The following SLC25A30 variants were observed in gnomAD, a reference collection of about 807,000 sequenced individuals.
The protein encoded by SLC25A30 is kidney mitochondrial carrier protein 1.
Under a neutral mutation model 42.7 loss-of-function variants are expected in SLC25A30, and 29 were observed. The ratio of observed to expected loss-of-function variants is 0.68; its 90% confidence interval spans 0.51 to 0.93. SLC25A30 has a LOEUF of 0.93. Ranked by LOEUF, SLC25A30 falls within the 40% of genes least tolerant of loss-of-function variation. The pLI is 0.00. For synonymous variants in SLC25A30, 124 were observed against 131.0 expected (o/e 0.95, Z 0.37); for missense variants, 300 against 359.7 (o/e 0.83, Z 1.34).
chr13:45,395,196 T>C lies in SLC25A30; in HGVS notation c.*778A>G. The C allele has an allele frequency of 2.0e-6, 2 of 984,790 alleles. No individual in the cohort carries two copies. Among genetic ancestry groups the C allele is most frequent in the Non-Finnish European group, 2.4e-6 (2 of 829,320 alleles). 61.0% of individuals were successfully genotyped at this position (984,790 alleles called of 1,614,324 possible). A position where few individuals can be genotyped will look rare whatever the true frequency, so the allele number is the denominator to read the frequency against. On this transcript the variant is annotated 3_prime_UTR_variant, in exon 10 of 10. Transcript: ENST00000519676. ...CCCATTTTACTCATTGAGAAATACA[T>C]ATGCTTTGCTAAAAATCATAAAGCT...
the SLC25A30 span, among the ~76,000 whole-genome samples, chr13:45,426,793 T>A: frequency 4.9e-4 from 74 of 152,282 alleles, no homozygotes; most frequent in Non-Finnish European, 9.3e-4. Context: ...AAGTCACAAG[T>A]ATAAAATCAA....
At chr13:45,401,037 T>C (rs777425054) in intron 7 of SLC25A30, 46 bp downstream of exon 7, 1 of 1,497,028 alleles carries the variant, frequency 6.7e-7, no homozygotes, top group Non-Finnish European at 9.0e-7. Context: ...TATAATAAAC[T>C]TTCTTTAGAA....
At chr13:45,427,903 C>A in the SLC25A30 span, among the ~76,000 whole-genome samples, 1 of 151,910 alleles carries the variant, frequency 6.6e-6, no homozygotes, top group Non-Finnish European at 1.5e-5. Context: ...GTCACCACTC[C>A]GGATAATTTT....
At chr13:45,397,201 C>G in intron 9 of SLC25A30, 57 bp downstream of exon 9, 1 of 1,146,216 alleles carries the variant, frequency 8.7e-7, no homozygotes, top group Non-Finnish European at 1.3e-6. Flanking sequence ...AGAGTTTATA[C>G]AAATAGTATT....
chr13:45,409,598 T>C, intron 2 of SLC25A30, among the ~76,000 whole-genome samples: 1 of 151,984 alleles, frequency 6.6e-6, no homozygotes, highest in African/African-American at 2.4e-5. Context: ...CACCTGAGGT[T>C]AGGAGTTCCA....
At chr13:45,424,580 T>TGTATAA in the SLC25A30 span, among the ~76,000 whole-genome samples, 32 of 36,166 alleles carry the variant, frequency 8.8e-4, 3 homozygotes, top group African/African-American at 2.9e-3. Context: ...AATATATAAA[T>TGTATAA]ATATATAAAT....
intron 6 of SLC25A30, 145 bp downstream of exon 6, chr13:45,402,129 GA>G (rs1882052922): frequency 2.2e-6 from 1 of 459,810 alleles, no homozygotes; most frequent in Admixed American, 4.0e-5. Context: ...GGGAAATAAA[GA>G]AAGATATTTT....
intron 2 of SLC25A30, among the ~76,000 whole-genome samples, chr13:45,409,552 T>C (rs1882824596): frequency 6.6e-6 from 1 of 152,224 alleles, no homozygotes; most frequent in Admixed American, 6.5e-5. Flanking sequence ...CTCATGCCTG[T>C]AATCCCAGCA....
chr13:45,412,560 T>G (rs1883129130), intron 1 of SLC25A30, among the ~76,000 whole-genome samples: 1 of 152,100 alleles, frequency 6.6e-6, no homozygotes, highest in Non-Finnish European at 1.5e-5. Flanking sequence ...GAGTCTCGGT[T>G]TTCTTCTTCG....
At chr13:45,426,158 C>A in the SLC25A30 span, among the ~76,000 whole-genome samples, 3 of 151,736 alleles carry the variant, frequency 2.0e-5, no homozygotes, top group Non-Finnish European at 4.4e-5. Flanking sequence ...GCCATCTCGG[C>A]TCACTGCAAC....
At chr13:45,424,098 T>A in the SLC25A30 span, among the ~76,000 whole-genome samples, 96 of 46,936 alleles carry the variant, frequency 2.0e-3, no homozygotes, top group South Asian at 0.013. Flanking sequence ...AATCTATAAA[T>A]ATATAAAAAT....
the SLC25A30 span, among the ~76,000 whole-genome samples, chr13:45,423,946 AAAAT>A: frequency 1.0e-5 from 1 of 97,280 alleles, no homozygotes; most frequent in African/African-American, 4.3e-5. Context: ...AATATATAAA[AAAAT>A]ATATGAATAT....
At chr13:45,411,580 C>A (rs1294001407) in intron 1 of SLC25A30, 100 bp from the exon 2 acceptor site, 7 of 715,990 alleles carry the variant, frequency 9.8e-6, no homozygotes, top group Non-Finnish European at 1.7e-5. Context: ...GTGCTATCAC[C>A]AAAACCCCTG....
chr13:45,416,719 TAAGACC>T (rs1883569865), intron 1 of SLC25A30, among the ~76,000 whole-genome samples: 1 of 152,172 alleles, frequency 6.6e-6, no homozygotes, highest in Non-Finnish European at 1.5e-5. Context: ...TGCAGTGAGC[TAAGACC>T]ATGACACTGC....
At position 45,394,442 on chromosome 13, in the gene SLC25A30, T is replaced by G; in HGVS notation, c.*1532A>C. 1.0e-6 allele frequency: 1 copy of G among 985,370 alleles called. No individual in the cohort carries two copies. Among genetic ancestry groups the G allele is most frequent in the Non-Finnish European group, 1.2e-6 (1 of 829,936 alleles). 61.0% of individuals were successfully genotyped at this position (985,370 alleles called of 1,614,324 possible). On this transcript the variant is annotated 3_prime_UTR_variant, in exon 10 of 10. Transcript: ENST00000519676. ...GTCTCAACAAAGAGACTGGCCAGAC[T>G]GGGAATTTGGCCGCACTACTGTGGA...
At chr13:45,419,000 G>A (rs534545943), upstream of SLC25A30, among the ~76,000 whole-genome samples, 5 of 123,330 alleles carry the variant, frequency 4.1e-5, no homozygotes, top group South Asian at 2.8e-4. Flanking sequence ...ACCTGGTGGC[G>A]GGTGCCTGTA....
intron 7 of SLC25A30, among the ~76,000 whole-genome samples, chr13:45,399,734 G>C (rs1881733128): frequency 6.6e-6 from 1 of 151,972 alleles, no homozygotes; most frequent in Non-Finnish European, 1.5e-5. Context: ...GTGGACATCA[G>C]AGTAATTCTA....
the SLC25A30 span, among the ~76,000 whole-genome samples, chr13:45,425,387 T>C: frequency 3.6e-5 from 4 of 111,466 alleles, no homozygotes; most frequent in Admixed American, 1.3e-4. Context: ...TAAGTATATA[T>C]GAAAATATAT....
chr13:45,427,475 G>A, the SLC25A30 span, among the ~76,000 whole-genome samples: 1 of 152,064 alleles, frequency 6.6e-6, no homozygotes, highest in Non-Finnish European at 1.5e-5. Flanking sequence ...CCAGGCCATT[G>A]TATATTTCAA....
Sources: gnomAD v4.1 joint callset for allele counts (sites outside exome capture counted in the v4.1 genomes callset) on GRCh38, gnomAD v4.1.1 for gene constraint, MANE v1.5 for transcripts, NCBI Gene and HGNC (gene_info 2026-07-23, HGNC 2026-07-21) for gene names.